The following LHX6 variants were observed in gnomAD, a reference collection of about 807,000 sequenced individuals.
The protein encoded by LHX6 is LIM homeobox 6.
A neutral mutation model predicts 47.1 loss-of-function variants in LHX6; 15 were observed. That is an observed-to-expected ratio of 0.32 (90% confidence interval 0.21 to 0.49). The LOEUF is 0.49. Ranked by LOEUF, LHX6 falls within the 20% of genes least tolerant of loss-of-function variation. The probability of loss-of-function intolerance (pLI) is 0.99; values close to 1 mark genes in which losing one functional copy is unlikely to be tolerated. For synonymous variants in LHX6, 242 were observed against 233.5 expected (o/e 1.04, Z -0.33); for missense variants, 404 against 539.6 (o/e 0.75, Z 2.49).
intron 1 of LHX6, 186 bp downstream of exon 1, chr9:122,228,471 T>C: frequency 1.4e-6 from 2 of 1,395,320 alleles, no homozygotes; most frequent in South Asian, 3.1e-5. Flanking sequence ...GCATAATGTG[T>C]TCCCGCTTTC....
intron 4 of LHX6, among the ~76,000 whole-genome samples, chr9:122,219,613 T>A (rs1461817718): frequency 2.6e-5 from 4 of 152,146 alleles, no homozygotes; most frequent in African/African-American, 9.7e-5. Flanking sequence ...GAGACCTTAC[T>A]ACGGGCCGGG....
Position 122,204,604 on chromosome 9 carries a change from G to A in LHX6, c.*156C>T, listed in dbSNP as rs915359697. 2 of 749,640 alleles carry A rather than the reference G, an allele frequency of 2.7e-6. No homozygotes were observed. The highest frequency in any genetic ancestry group is 4.2e-6 in the Non-Finnish European group (2 of 472,852). 46.4% of individuals were successfully genotyped at this position (749,640 alleles called of 1,614,324 possible). A position where few individuals can be genotyped will look rare whatever the true frequency, so the allele number is the denominator to read the frequency against. ...CTGGTTCTCAGCAGGAGAGGGAAAG[G>A]CCAGGCCTCGGGAACCGACCTGGTG... is the stretch of plus-strand genomic sequence containing the variant. On this transcript the variant is annotated 3_prime_UTR_variant, in exon 10 of 10. Coordinates refer to ENST00000394319, the MANE Select transcript of LHX6 (RefSeq NM_014368.5).
At position 122,213,633 on chromosome 9, in the gene LHX6, T is replaced by C. The variant is rs780731428; in HGVS notation, c.1027A>G (p.Met343Val). 6 of 1,606,350 alleles carry C rather than the reference T, an allele frequency of 3.7e-6. No individual in the cohort carries two copies. The African/African-American group carries it at 6.7e-5, about 18-fold the overall frequency. ...TCAATGTAGCCGTGCAGGGTGACCA[T>C]GCGCGCCCGCTCGGGGCTGCTGAAC... is the stretch of plus-strand genomic sequence containing the variant. ...TPFSSPERAR[M>V]VTLHGYIESQ... The change falls in exon 8 of 10, where the codon ATG becomes GTG. Residue 343 changes from methionine to valine, a missense_variant. Transcript: ENST00000394319. This position sits in a 1 kb window ranked among gnomAD's most constrained non-coding sequence, Gnocchi z 5.5.
chr9:122,227,499 G>GGGGGGGGGCA lies in LHX6; in HGVS notation c.85-20_85-19insTGCCCCCCCC. On this transcript the variant is annotated intron_variant, in intron 1 of 9. Transcript: ENST00000394319. ...CCATCACCTGGGGGAGGGGGGGAGG[G>GGGGGGGGGCA]AACGCAGGCGGCGGCGGCTGCTGAA... is the stretch of plus-strand genomic sequence containing the variant. 1 of 656,300 alleles carries GGGGGGGGGCA rather than the reference G, an allele frequency of 1.5e-6. No homozygotes were observed. 40.7% of individuals were successfully genotyped at this position (656,300 alleles called of 1,614,324 possible). A position where few individuals can be genotyped will look rare whatever the true frequency, so the allele number is the denominator to read the frequency against.
At chr9:122,223,649 T>A (rs1830969942) in intron 4 of LHX6, among the ~76,000 whole-genome samples, 1 of 152,078 alleles carries the variant, frequency 6.6e-6, no homozygotes, top group African/African-American at 2.4e-5. Flanking sequence ...TCCTGCCTCT[T>A]CCCACAGTGG....
chr9:122,206,424 G>A (rs993243235), intron 9 of LHX6, among the ~76,000 whole-genome samples: 4 of 152,160 alleles, frequency 2.6e-5, no homozygotes, highest in Admixed American at 6.5e-5. Flanking sequence ...CCAGGAATTT[G>A]AGAGTTATGG....
chr9:122,225,444 T>A (rs1831053448), intron 4 of LHX6, among the ~76,000 whole-genome samples: 1 of 152,334 alleles, frequency 6.6e-6, no homozygotes, highest in East Asian at 1.9e-4. Flanking sequence ...TCAGGTCAGG[T>A]CCGGGCTTCA....
chr9:122,221,436 C>T (rs1162625362), intron 4 of LHX6: 3 of 985,418 alleles, frequency 3.0e-6, no homozygotes, highest in African/African-American at 1.7e-5. Flanking sequence ...AGGGGGTAGG[C>T]TTCTCCCGCT....
chr9:122,226,825 C>T lies in LHX6; in HGVS notation c.339+23G>A, dbSNP rs768897725. On this transcript the variant is annotated intron_variant, in intron 3 of 9. Transcript: ENST00000394319. The surrounding 1 kb of genome is among the most constrained non-coding windows in gnomAD (Gnocchi z 6.5). Reference sequence around the variant, plus strand: ...GCGTCCCACGCCCCGACAACACGCACGCAACACCTACCCCTGTCTCACCTT... The same window carrying T: ...GCGTCCCACGCCCCGACAACACGCATGCAACACCTACCCCTGTCTCACCTT... The T allele has an allele frequency of 2.6e-6, 4 of 1,554,064 alleles. No individual in the cohort carries two copies. Among genetic ancestry groups the T allele is most frequent in the Admixed American group, 1.9e-5 (1 of 51,294 alleles).
chr9:122,226,918 G>C lies in LHX6; in HGVS notation c.269C>G (p.Ser90Cys). 1 of 1,562,598 alleles carries C rather than the reference G, an allele frequency of 6.4e-7. No homozygotes were observed. The highest frequency in any genetic ancestry group is 8.7e-7 in the Non-Finnish European group (1 of 1,153,466). Residue 90 changes from serine to cysteine, a missense_variant, in exon 3 of 10, where the codon TCC becomes TGC. By Grantham distance (112) the Ser-to-Cys change is moderately radical (BLOSUM62 -1). This residue lies in a region of LHX6 where 144 missense variants were observed against 128.7 expected (regional missense o/e 1.12). Coordinates refer to ENST00000394319, the MANE Select transcript of LHX6 (RefSeq NM_014368.5). The surrounding 1 kb of genome is among the most constrained non-coding windows in gnomAD (Gnocchi z 6.5). ...GATGTTCTTGCCTGCAGACGGCACG[G>C]AGGAGGCGGCAGAGGGCGGTGAGCA... Reference protein sequence around the residue: ...SVCSPPSAASSVPSAGKNICS... With the variant: ...SVCSPPSAASCVPSAGKNICS...
At chr9:122,222,211 C>T (rs1010477037) in intron 4 of LHX6, among the ~76,000 whole-genome samples, 20 of 152,178 alleles carry the variant, frequency 1.3e-4, no homozygotes, top group Non-Finnish European at 2.8e-4. Flanking sequence ...CACTGCAGAT[C>T]GGGCCATGCC....
intron 5 of LHX6, among the ~76,000 whole-genome samples, chr9:122,215,997 C>T (rs1214272343): frequency 2.0e-5 from 3 of 152,142 alleles, no homozygotes; most frequent in East Asian, 3.8e-4. Flanking sequence ...CCAGAAGCCT[C>T]CTTGGCTTTA....
At position 122,226,287 on chromosome 9, in the gene LHX6, G is replaced by C; in HGVS notation, c.461+89C>G. The C allele has an allele frequency of 6.7e-7, 1 of 1,489,290 alleles. No homozygotes were observed. The highest frequency in any genetic ancestry group is 2.2e-5 in the Admixed American group (1 of 45,672). The allele number at this position is 1,489,290 out of a possible 1,614,324, so 92.3% of individuals were successfully genotyped here. A position where few individuals can be genotyped will look rare whatever the true frequency, so the allele number is the denominator to read the frequency against. On this transcript the variant is annotated intron_variant, in intron 4 of 9. Coordinates refer to ENST00000394319, the MANE Select transcript of LHX6 (RefSeq NM_014368.5). This position sits in a 1 kb window ranked among gnomAD's most constrained non-coding sequence, Gnocchi z 6.5. ...GTGCACTCGGGACGCCGGGGTTCTG[G>C]AGGAGAGACCACACGCCGCAAAAGT...
chr9:122,205,126 A>C (rs1220790241), intron 9 of LHX6, among the ~76,000 whole-genome samples: 1 of 152,172 alleles, frequency 6.6e-6, no homozygotes, highest in African/African-American at 2.4e-5. Flanking sequence ...GGGAGTTCCA[A>C]CGTTCTGTTT....
At chr9:122,205,724 C>A (rs1343421908) in intron 9 of LHX6, among the ~76,000 whole-genome samples, 1 of 152,168 alleles carries the variant, frequency 6.6e-6, no homozygotes, top group Non-Finnish European at 1.5e-5. Context: ...CACCTGGGGG[C>A]ATTTTCTGTG....
chr9:122,220,614 G>C (rs1004911208), intron 4 of LHX6, among the ~76,000 whole-genome samples: 1 of 152,376 alleles, frequency 6.6e-6, no homozygotes, highest in East Asian at 1.9e-4. Context: ...GGATTAGGGG[G>C]TGTGTCCACT....
chr9:122,209,772 A>C lies in LHX6; in HGVS notation c.1055-55T>G, dbSNP rs1312558113. On this transcript the variant is annotated intron_variant, in intron 8 of 9. Coordinates refer to ENST00000394319, the MANE Select transcript of LHX6 (RefSeq NM_014368.5). Reference sequence around the variant, plus strand: ...TCCCCCAGGCTGCACACAGGATCCCACCTGCCCCGTGCTCTCTACAGACTG... The same window carrying C: ...TCCCCCAGGCTGCACACAGGATCCCCCCTGCCCCGTGCTCTCTACAGACTG... 13 of 728,238 alleles carry C rather than the reference A, an allele frequency of 1.8e-5. No individual in the cohort carries two copies. The Admixed American group carries it at 2.0e-4, about 11-fold the overall frequency. 45.1% of individuals were successfully genotyped at this position (728,238 alleles called of 1,614,324 possible). A position where few individuals can be genotyped will look rare whatever the true frequency, so the allele number is the denominator to read the frequency against.
Position 122,225,903 on chromosome 9 carries a change from T to G in LHX6, c.461+473A>C, listed in dbSNP as rs138508534. Among the ~76,000 whole-genome samples the G allele has an allele frequency of 2.1e-3, 313 of 150,608 alleles. 1 individual carries two copies. The highest frequency in any genetic ancestry group is 3.6e-3 in the Non-Finnish European group (245 of 67,558). On this transcript the variant is annotated intron_variant, in intron 4 of 9. Coordinates refer to ENST00000394319, the MANE Select transcript of LHX6 (RefSeq NM_014368.5). ...GCGAGGGTCAGAGCCAGGGCAAGAG[T>G]CCGAAGCCCAGCTCAGCGTCCAGCC...
rs934949379 is a variant in LHX6, at chr9:122,227,448, C to T, written c.117G>A (p.Ala39=). ...CGGTCCCTTCAAGACAGCGGGTGGTCGCTTTGCAGCCGGACCCTGGCTGGG... is the reference window on the plus strand; with the variant it reads ...CGGTCCCTTCAAGACAGCGGGTGGTTGCTTTGCAGCCGGACCCTGGCTGGG... The part of the protein sequence containing the change: ...VMAQPGSGCK[A]TTRCLEGTAP... The change falls in exon 2 of 10, where the codon GCG becomes GCA. Residue 39 remains alanine, a synonymous_variant. Coordinates refer to ENST00000394319, the MANE Select transcript of LHX6 (RefSeq NM_014368.5). 3.7e-5 allele frequency: 48 copies of T among 1,304,880 alleles called. No homozygotes were observed. The highest frequency in any genetic ancestry group is 4.6e-5 in the Non-Finnish European group (46 of 1,000,762). The allele number at this position is 1,304,880 out of a possible 1,614,324, so 80.8% of individuals were successfully genotyped here.
Sources: gnomAD v4.1 joint callset for allele counts (sites outside exome capture counted in the v4.1 genomes callset) on GRCh38, gnomAD v4.1.1 for gene constraint, gnomAD v4.1.1 regional missense constraint, Gnocchi (gnomAD v3.1) non-coding constraint, MANE v1.5 for transcripts, NCBI Gene and HGNC (gene_info 2026-07-23, HGNC 2026-07-21) for gene names.